The following ZNF678 variants were observed in gnomAD, a reference collection of about 807,000 sequenced individuals.
ZNF678 encodes hypothetical protein MGC42493.
ZNF678 carries 5 observed loss-of-function variants against 3.0 expected under a neutral mutation model. The ratio of observed to expected loss-of-function variants is 1.69; its 90% CI spans 0.88 to 3.56. ZNF678 has a LOEUF of 3.56. Among genes scored for constraint, ZNF678 ranks in the 30% most tolerant of loss-of-function variants. The pLI is 0.00. For missense variants in ZNF678, 593 were observed against 605.0 expected (o/e 0.98, Z 0.21); for synonymous variants, 218 against 199.6 (o/e 1.09, Z -0.78).
intron 1 of ZNF678, among the ~76,000 whole-genome samples, chr1:227,587,833 T>TTC (rs1657300944): frequency 6.8e-6 from 1 of 146,918 alleles, no homozygotes; most frequent in African/African-American, 2.5e-5. Flanking sequence ...TTTTTTTTTT[T>TTC]CAAGACTTTA....
intron 1 of ZNF678, among the ~76,000 whole-genome samples, chr1:227,632,288 G>A (rs1658565881): frequency 6.6e-6 from 1 of 152,168 alleles, no homozygotes; most frequent in South Asian, 2.1e-4. Context: ...CTTGGGAGAG[G>A]AAGTGAAAGT....
At chr1:227,650,147 G>C (rs911842383) in intron 2 of ZNF678, among the ~76,000 whole-genome samples, 1 of 152,134 alleles carries the variant, frequency 6.6e-6, no homozygotes, top group South Asian at 2.1e-4. Flanking sequence ...AAGGATTTCT[G>C]CCTGACATTT....
chr1:227,577,346 C>A (rs977868074), intron 1 of ZNF678, among the ~76,000 whole-genome samples: 2 of 152,118 alleles, frequency 1.3e-5, no homozygotes, highest in Non-Finnish European at 2.9e-5. Context: ...ATTAAAGCCC[C>A]CTACTATTAC....
intron 1 of ZNF678, 112 bp from the exon 2 acceptor site, chr1:227,646,432 C>T (rs1484443884): frequency 2.9e-6 from 3 of 1,041,864 alleles, no homozygotes; most frequent in African/African-American, 1.7e-5. Context: ...CAATGTCTTA[C>T]TGGACAGTTT....
chr1:227,604,816 G>GT (rs2102753536), intron 1 of ZNF678, among the ~76,000 whole-genome samples: 1 of 152,170 alleles, frequency 6.6e-6, no homozygotes, highest in African/African-American at 2.4e-5. Flanking sequence ...TAAAAAATGT[G>GT]TTTTTATCTT....
chr1:227,593,199 G>T (rs1373775002), intron 1 of ZNF678, among the ~76,000 whole-genome samples: 1 of 152,248 alleles, frequency 6.6e-6, no homozygotes, highest in South Asian at 2.1e-4. Flanking sequence ...CACATTAGTG[G>T]AAGGGGGACA....
intron 1 of ZNF678, among the ~76,000 whole-genome samples, chr1:227,605,246 A>G (rs1281671874): frequency 6.6e-6 from 1 of 152,186 alleles, no homozygotes; most frequent in Non-Finnish European, 1.5e-5. Flanking sequence ...ATTTTCAGAA[A>G]GTTCATAGCT....
At position 227,655,701 on chromosome 1, in the gene ZNF678, C is replaced by T. The variant is rs1659228136; in HGVS notation, c.1451C>T (p.Thr484Ile). The change falls in exon 4 of 4, where the codon ACT becomes ATT. Residue 484 changes from threonine to isoleucine, a missense_variant. Coordinates refer to ENST00000343776, the MANE Select transcript of ZNF678 (RefSeq NM_001367909.1). The stretch of plus-strand genomic sequence containing the variant: ...CTTACTCGTCATAAAAGAATTCATA[C>T]TGGAGAGAAACGCTACAAATGTAAA... ...SSLTRHKRIH[T>I]GEKRYKCKEC... is the part of the protein sequence containing the mutation. 2 of 1,612,566 alleles carry T rather than the reference C, an allele frequency of 1.2e-6. No individual in the cohort carries two copies. The highest frequency in any genetic ancestry group is 1.7e-6 in the Non-Finnish European group (2 of 1,179,188).
At chr1:227,643,785 CTA>C (rs1658882032) in intron 1 of ZNF678, among the ~76,000 whole-genome samples, 2 of 151,520 alleles carry the variant, frequency 1.3e-5, no homozygotes, top group African/African-American at 4.9e-5. Flanking sequence ...TTCCTCTGAC[CTA>C]TATGCCACAC....
intron 1 of ZNF678, among the ~76,000 whole-genome samples, chr1:227,592,103 C>T (rs1416749282): frequency 6.6e-6 from 1 of 152,186 alleles, no homozygotes; most frequent in Non-Finnish European, 1.5e-5. Flanking sequence ...AAACTGAGTC[C>T]AATACCTCTA....
At chr1:227,674,693 C>T (rs1304692692) in intron 5 of ZNF678, among the ~76,000 whole-genome samples, 2 of 150,838 alleles carry the variant, frequency 1.3e-5, no homozygotes, top group African/African-American at 4.9e-5. Context: ...AACTCTGCCT[C>T]CCGGGTTCAA....
At chr1:227,633,127 C>T (rs1313799107) in intron 1 of ZNF678, among the ~76,000 whole-genome samples, 4 of 152,258 alleles carry the variant, frequency 2.6e-5, no homozygotes, top group Middle Eastern at 3.4e-3. Context: ...CTGCCGGATC[C>T]GGAGGGGTGG....
chr1:227,660,997 T>C lies in ZNF678; in HGVS notation c.*5169T>C, dbSNP rs866414651. 3.3e-5 allele frequency: 5 copies of C among 152,182 alleles called. No homozygotes were observed. Among genetic ancestry groups the C allele is most frequent in the African/African-American group, 9.7e-5 (4 of 41,446 alleles). 9.4% of individuals were successfully genotyped at this position (152,182 alleles called of 1,614,324 possible). A position where few individuals can be genotyped will look rare whatever the true frequency, so the allele number is the denominator to read the frequency against. ...GAGATCCTTCATCTTTCTCAGAATC[T>C]AGGAGGATGCATCTGTACCTAGAGG... On this transcript the variant is annotated 3_prime_UTR_variant, in exon 4 of 4. Coordinates refer to ENST00000343776, the MANE Select transcript of ZNF678 (RefSeq NM_001367909.1).
At chr1:227,612,249 A>T (rs1658038774) in intron 1 of ZNF678, among the ~76,000 whole-genome samples, 1 of 152,172 alleles carries the variant, frequency 6.6e-6, no homozygotes, top group African/African-American at 2.4e-5. Context: ...CCACTAGGTC[A>T]TGAGGTTGGT....
rs1311518189 is a variant in ZNF678, at chr1:227,656,410, GTT to G, written c.*586_*587del. 1 of 151,594 alleles carries G rather than the reference GTT, an allele frequency of 6.6e-6. No individual in the cohort carries two copies. Among genetic ancestry groups the G allele is most frequent in the Non-Finnish European group, 1.5e-5 (1 of 67,748 alleles). 9.4% of individuals were successfully genotyped at this position (151,594 alleles called of 1,614,324 possible). A position where few individuals can be genotyped will look rare whatever the true frequency, so the allele number is the denominator to read the frequency against. On this transcript the variant is annotated 3_prime_UTR_variant, in exon 4 of 4. Transcript: ENST00000343776. Reference sequence around the variant, plus strand: ...CATGTTATACTTTTTTGCATTAAAAGTTTTTATATTTTTGATTATATATTTTA... The same window carrying G: ...CATGTTATACTTTTTTGCATTAAAAGTTTATATTTTTGATTATATATTTTA...
chr1:227,571,911 G>A lies in ZNF678; in HGVS notation c.-164+8187G>A, dbSNP rs191548193. Among the ~76,000 whole-genome samples, 832 of 152,240 alleles carry A rather than the reference G, an allele frequency of 5.5e-3. 3 individuals carry two copies. The highest frequency in any genetic ancestry group is 7.7e-3 in the Non-Finnish European group (526 of 68,008). ...CAAAAAATTAGCTGGATGTGGTGGC[G>A]GGTGCCTGTAGTCCCAGCTACTCAG... On this transcript the variant is annotated intron_variant, in intron 1 of 3. Coordinates refer to ENST00000343776, the MANE Select transcript of ZNF678 (RefSeq NM_001367909.1).
At chr1:227,586,208 ATAAG>A (rs1181352791) in intron 1 of ZNF678, among the ~76,000 whole-genome samples, 1 of 144,474 alleles carries the variant, frequency 6.9e-6, no homozygotes, top group African/African-American at 2.7e-5. Flanking sequence ...AATAAAATAA[ATAAG>A]CAAATAAAAA....
intron 1 of ZNF678, among the ~76,000 whole-genome samples, chr1:227,640,964 G>A (rs1440381096): frequency 6.6e-6 from 1 of 152,244 alleles, no homozygotes; most frequent in Non-Finnish European, 1.5e-5. Context: ...TGATCATTGA[G>A]TACCTGGCAC....
intron 1 of ZNF678, among the ~76,000 whole-genome samples, chr1:227,589,064 C>A (rs2102736022): frequency 6.8e-6 from 1 of 147,464 alleles, no homozygotes; most frequent in East Asian, 1.9e-4. Flanking sequence ...GGATAGATTT[C>A]AAAAATTTTC....
Sources: gnomAD v4.1 joint callset for allele counts (sites outside exome capture counted in the v4.1 genomes callset) on GRCh38, gnomAD v4.1.1 for gene constraint, MANE v1.5 for transcripts, NCBI Gene and HGNC (gene_info 2026-07-23, HGNC 2026-07-21) for gene names.